Variants in EMX1 observed in about 807,000 individuals in gnomAD.
EMX1 encodes empty spiracles homeobox 1, also known as homeobox protein EMX1.
In EMX1, 10 loss-of-function variants were observed where a neutral mutation model predicts 20.1. That is an observed-to-expected ratio of 0.50 (90% CI 0.31 to 0.84). The LOEUF is 0.84. Among genes scored for constraint, EMX1 ranks in the 40% least tolerant of loss-of-function variants. EMX1 has a pLI of 0.05. For missense variants in EMX1, 424 were observed against 431.9 expected (o/e 0.98, Z 0.16); for synonymous variants, 250 against 200.4 (o/e 1.25, Z -2.09).
intron 2 of EMX1, among the ~76,000 whole-genome samples, chr2:72,931,184 G>A (rs1341169303): frequency 6.6e-6 from 1 of 152,086 alleles, no homozygotes; most frequent in African/African-American, 2.4e-5. Flanking sequence ...CTTTCACTTG[G>A]GTGCCCTAGG....
At position 72,933,881 on chromosome 2, in the gene EMX1, A is replaced by G; in HGVS notation, c.800A>G (p.His267Arg). Residue 267 changes from histidine (H) to arginine (R), a missense_variant, in exon 3 of 3, where the codon CAT becomes CGT. Transcript: ENST00000258106. ...TCCGAGCAGAAGAAGAAGGGCTCCC[A>G]TCACATCAACCGGTGGCGCATTGCC... Reference protein sequence around the residue: ...PESEQKKKGSHHINRWRIATK... With the variant: ...PESEQKKKGSRHINRWRIATK... 6.2e-7 allele frequency: 1 copy of G among 1,614,262 alleles called. No homozygotes were observed. The highest frequency in any genetic ancestry group is 8.5e-7 in the Non-Finnish European group (1 of 1,180,042).
chr2:72,921,830 A>C (rs1671109314), intron 1 of EMX1, among the ~76,000 whole-genome samples: 1 of 152,206 alleles, frequency 6.6e-6, no homozygotes, highest in South Asian at 2.1e-4. Flanking sequence ...CATCCCCCTA[A>C]AATAACCAGA....
intron 2 of EMX1, among the ~76,000 whole-genome samples, chr2:72,929,272 G>A (rs955016574): frequency 6.6e-6 from 1 of 152,210 alleles, no homozygotes; most frequent in African/African-American, 2.4e-5. Flanking sequence ...GTGGTTCTGT[G>A]AGGAGCTGGG....
In EMX1 at chr2:72,918,321, C is replaced by A; in HGVS notation, c.469C>A (p.His157Asn). 1 of 1,564,082 alleles carries A rather than the reference C, an allele frequency of 6.4e-7. No homozygotes were observed. Among genetic ancestry groups the A allele is most frequent in the African/African-American group, 1.4e-5 (1 of 71,766 alleles). ...CGGCGCCCAGCACCGGGACCCTCTC[C>A]ATTTCTACCCCTGGGTCCTGCGGAA... Reference protein sequence around the residue: ...FFGAQHRDPLHFYPWVLRNRF... With the variant: ...FFGAQHRDPLNFYPWVLRNRF... Residue 157 changes from histidine (H) to asparagine (N), a missense_variant, in exon 1 of 3, where the codon CAT (histidine) becomes AAT (asparagine). Around this residue, in one of 2 missense-constraint regions of EMX1, gnomAD observed 333 missense variants for 296.6 expected, o/e 1.12. Transcript: ENST00000258106.
intron 1 of EMX1, 21 bp from the exon 2 acceptor site, chr2:72,924,287 GC>G (rs986871279): frequency 1.9e-5 from 29 of 1,555,044 alleles, no homozygotes; most frequent in Non-Finnish European, 2.2e-5. Context: ...TGCGTGTGTT[GC>G]CGTCGGCGGC....
chr2:72,933,724 C>T lies in EMX1; in HGVS notation c.706-63C>T, dbSNP rs1333864665. ...TCTCAGCTCAGCCTGAGTGTTGAGG[C>T]CCCAGTGGCTGCTCTGGGGGCCTCC... On this transcript the variant is annotated intron_variant, in intron 2 of 2. Transcript: ENST00000258106. 4 of 1,584,512 alleles carry T rather than the reference C, an allele frequency of 2.5e-6. No individual in the cohort carries two copies. The African/African-American group carries it at 4.0e-5, about 16-fold the overall frequency.
chr2:72,916,862 T>G (rs1268074723), upstream of EMX1: 8 of 717,114 alleles, frequency 1.1e-5, no homozygotes, highest in Non-Finnish European at 2.1e-5. Flanking sequence ...GTCTGGGCAC[T>G]GGAGCTGCTT....
Position 72,934,008 on chromosome 2 carries a change from C to T in EMX1, c.*54C>T, listed in dbSNP as rs888256816. On this transcript the variant is annotated 3_prime_UTR_variant, in exon 3 of 3. Coordinates refer to ENST00000258106, the MANE Select transcript of EMX1 (RefSeq NM_004097.3). ...GAGTGCTGCTTGCTGCTGGCCAGGC[C>T]CCTGCGTGGGCCCAAGCTGGACTCT... 2.5e-6 allele frequency: 4 copies of T among 1,603,842 alleles called. No individual in the cohort carries two copies. The African/African-American group carries it at 4.0e-5, about 16-fold the overall frequency.
rs1171217915 is a variant in EMX1, at chr2:72,917,987, A to C, written c.135A>C (p.Ile45=). The part of the protein sequence containing the change: ...FQPAAKRGFT[I]ESLVAKDGGT... ...CCGCGGCCAAGCGCGGCTTTACCAT[A>C]GAGTCCTTGGTGGCCAAGGACGGCG... The change falls in exon 1 of 3, where the codon ATA becomes ATC. Residue 45 remains isoleucine (I), a synonymous_variant. Transcript: ENST00000258106. The C allele has an allele frequency of 1.1e-5, 17 of 1,483,018 alleles. No individual in the cohort carries two copies. The highest frequency in any genetic ancestry group is 1.5e-5 in the Non-Finnish European group (17 of 1,124,448). 91.9% of individuals were successfully genotyped at this position (1,483,018 alleles called of 1,614,324 possible). A position where few individuals can be genotyped will look rare whatever the true frequency, so the allele number is the denominator to read the frequency against.
Position 72,917,828 on chromosome 2 carries a change from A to C in EMX1, c.-25A>C. 7.7e-7 allele frequency: 1 copy of C among 1,298,344 alleles called. No individual in the cohort carries two copies. Among genetic ancestry groups the C allele is most frequent in the Non-Finnish European group, 9.7e-7 (1 of 1,027,584 alleles). The allele number at this position is 1,298,344 out of a possible 1,614,324, so 80.4% of individuals were successfully genotyped here. A position where few individuals can be genotyped will look rare whatever the true frequency, so the allele number is the denominator to read the frequency against. On this transcript the variant is annotated 5_prime_UTR_variant, in exon 1 of 3. Transcript: ENST00000258106. Reference sequence around the variant, plus strand: ...CCGAGCGCGAGCGGGCGGGCGGGGGAGGTGAGGGGTGCGGGCGGGTGTGCA... The same window carrying C: ...CCGAGCGCGAGCGGGCGGGCGGGGGCGGTGAGGGGTGCGGGCGGGTGTGCA...
chr2:72,924,543 G>C, intron 2 of EMX1, 50 bp downstream of exon 2: 2 of 1,495,930 alleles, frequency 1.3e-6, no homozygotes, highest in Non-Finnish European at 1.8e-6. Context: ...CCGGGTGGAG[G>C]TGAGGGTGCG....
At chr2:72,919,172 A>G (rs981374395) in intron 1 of EMX1, among the ~76,000 whole-genome samples, 10 of 129,430 alleles carry the variant, frequency 7.7e-5, no homozygotes, top group Non-Finnish European at 9.5e-5. Context: ...AAGATCCTCC[A>G]CTGGCCCTAC....
At chr2:72,918,411 G>A (rs758780789) in intron 1 of EMX1, 39 bp downstream of exon 1, 100 of 1,360,536 alleles carry the variant, frequency 7.4e-5, no homozygotes, top group Admixed American at 5.5e-4. Flanking sequence ...CGGCCGGCCG[G>A]CGCCCGTGCT....
At chr2:72,916,944 G>C, upstream of EMX1, 1 of 717,268 alleles carries the variant, frequency 1.4e-6, no homozygotes, top group Non-Finnish European at 2.6e-6. Context: ...TGCCCCGCCT[G>C]GCCCCTTGTG....
chr2:72,917,358 G>A, upstream of EMX1: 2 of 350,766 alleles, frequency 5.7e-6, no homozygotes, highest in Non-Finnish European at 1.0e-5. Flanking sequence ...GTGGCGAGGG[G>A]AGGAGGAGGC....
upstream of EMX1, among the ~76,000 whole-genome samples, chr2:72,917,314 C>T (rs1670981739): frequency 6.6e-6 from 1 of 152,066 alleles, no homozygotes. Flanking sequence ...GGCCACCAGA[C>T]TCAGCTAAAG....
At chr2:72,921,573 G>T (rs1048879428) in intron 1 of EMX1, among the ~76,000 whole-genome samples, 1 of 152,172 alleles carries the variant, frequency 6.6e-6, no homozygotes, top group East Asian at 1.9e-4. Context: ...GATGTTTGGT[G>T]TTGTACTAAA....
chr2:72,916,954 G>A, upstream of EMX1: 1 of 717,168 alleles, frequency 1.4e-6, no homozygotes, highest in Non-Finnish European at 2.6e-6. Flanking sequence ...GGCCCCTTGT[G>A]AAGGGAGTGA....
intron 1 of EMX1, chr2:72,923,383 A>G (rs2105265257): frequency 6.6e-6 from 1 of 152,324 alleles, no homozygotes; most frequent in Admixed American, 6.5e-5. Flanking sequence ...ACATCTAGAT[A>G]TTTATACACA....
Sources: allele counts gnomAD v4.1 joint callset (sites outside exome capture counted in the v4.1 genomes callset), GRCh38; gene constraint gnomAD v4.1.1; regional missense constraint gnomAD v4.1.1; transcripts MANE v1.5; gene names NCBI Gene and HGNC (gene_info 2026-07-23, HGNC 2026-07-21).